The following DDX31 variants were observed in gnomAD, a reference collection of about 807,000 sequenced individuals.
DDX31 encodes ATP-dependent DNA helicase DDX31.
In DDX31, 70 loss-of-function variants were observed where a neutral mutation model predicts 91.3. The observed-to-expected ratio is 0.77, with a 90% CI of 0.63 to 0.94. DDX31 has a LOEUF of 0.94. DDX31 is among the 40% of genes least tolerant of loss of function. DDX31 has a pLI of 0.00. For missense variants in DDX31, 902 were observed against 925.0 expected (o/e 0.98, Z 0.32); for synonymous variants, 362 against 350.6 (o/e 1.03, Z -0.36).
At chr9:132,644,801 G>T (rs1025109746) in intron 13 of DDX31, among the ~76,000 whole-genome samples, 1 of 152,178 alleles carries the variant, frequency 6.6e-6, no homozygotes, top group Non-Finnish European at 1.5e-5. Context: ...CAACAACTTT[G>T]ATTGAATCAG....
chr9:132,623,466 C>A (rs1373785706), intron 17 of DDX31, among the ~76,000 whole-genome samples: 1 of 143,406 alleles, frequency 7.0e-6, no homozygotes, highest in African/African-American at 2.6e-5. Flanking sequence ...TGAGGCAGAA[C>A]TGCTTGAACC....
chr9:132,626,382 G>A (rs1364004924), intron 16 of DDX31, among the ~76,000 whole-genome samples: 1 of 152,204 alleles, frequency 6.6e-6, no homozygotes, highest in Non-Finnish European at 1.5e-5. Flanking sequence ...CTCAGGAACA[G>A]AAGCCACAAG....
chr9:132,651,608 G>A (rs1046114305), intron 7 of DDX31, among the ~76,000 whole-genome samples: 4 of 152,104 alleles, frequency 2.6e-5, no homozygotes, highest in South Asian at 4.2e-4. Context: ...GGAGATGGTC[G>A]CTCCTCAAGT....
At chr9:132,623,719 G>C (rs923379550) in intron 17 of DDX31, among the ~76,000 whole-genome samples, 1 of 151,694 alleles carries the variant, frequency 6.6e-6, no homozygotes, top group Non-Finnish European at 1.5e-5. Flanking sequence ...CCTGCCCAAG[G>C]TCACACACTG....
At position 132,662,279 on chromosome 9, in the gene DDX31, C is replaced by A. The variant is rs200573806; in HGVS notation, c.390G>T (p.Leu130=). ...KVFTSAAFHE[L]GLHPHLISTI... ...TACTTACTAAATGTGGGTGGAGGCC[C>A]AGCTCATGAAAAGCAGCTGAAGTAA... Residue 130 remains leucine (L), a synonymous_variant, in exon 3 of 20, where the codon CTG becomes CTT. Transcript: ENST00000372159. 1.7e-5 allele frequency: 27 copies of A among 1,614,180 alleles called. No homozygotes were observed. Among genetic ancestry groups the A allele is most frequent in the Admixed American group, 3.3e-5 (2 of 60,022 alleles).
At chr9:132,664,976 C>T (rs1835217703) in intron 1 of DDX31, among the ~76,000 whole-genome samples, 1 of 152,186 alleles carries the variant, frequency 6.6e-6, no homozygotes, top group Non-Finnish European at 1.5e-5. Flanking sequence ...CCTTTCCTGA[C>T]CTCTCTTCAC....
chr9:132,632,582 C>T (rs553244470), intron 14 of DDX31, among the ~76,000 whole-genome samples: 1 of 152,120 alleles, frequency 6.6e-6, no homozygotes, highest in Non-Finnish European at 1.5e-5. Flanking sequence ...CAACCATGAG[C>T]AACGCCTAAC....
chr9:132,646,067 T>C lies in DDX31; in HGVS notation c.1208A>G (p.Glu403Gly). The change falls in exon 13 of 20, where the codon GAG (glutamate) becomes GGG (glycine). Residue 403 changes from glutamate (E) to glycine (G), a missense_variant. Coordinates refer to ENST00000372159, the MANE Select transcript of DDX31 (RefSeq NM_022779.9). ...AAAGACAACCATCTTCTGGTCTTCCTCAAACTACATCGATACAAAGGGAGG... is the reference window on the plus strand; with the variant it reads ...AAAGACAACCATCTTCTGGTCTTCCCCAAACTACATCGATACAAAGGGAGG... ...AAFILQKCKF[E>G]EDQKMVVFFS... 2 of 1,613,298 alleles carry C rather than the reference T, an allele frequency of 1.2e-6. No homozygotes were observed. The highest frequency in any genetic ancestry group is 1.7e-6 in the Non-Finnish European group (2 of 1,179,664).
Position 132,594,756 on chromosome 9 carries a change from T to C in DDX31, c.*110A>G. On this transcript the variant is annotated 3_prime_UTR_variant, in exon 20 of 20. Transcript: ENST00000372159. ...GCCCCTCTGATTCTTGGGGACGTGGTATTCAGGCAAAGGCGCAGTTATTTT... is the reference window on the plus strand; with the variant it reads ...GCCCCTCTGATTCTTGGGGACGTGGCATTCAGGCAAAGGCGCAGTTATTTT... The C allele has an allele frequency of 2.7e-6, 4 of 1,503,388 alleles. No individual in the cohort carries two copies. Among genetic ancestry groups the C allele is most frequent in the South Asian group, 1.3e-5 (1 of 74,996 alleles). 93.1% of individuals were successfully genotyped at this position (1,503,388 alleles called of 1,614,324 possible).
At chr9:132,652,593 C>T in intron 6 of DDX31, 101 bp from the exon 7 acceptor site, 6 of 1,438,648 alleles carry the variant, frequency 4.2e-6, no homozygotes, top group Non-Finnish European at 5.8e-6. Context: ...ATCAGAAGCA[C>T]TCTTAATGAA....
chr9:132,660,654 A>C (rs1481739546), intron 4 of DDX31, among the ~76,000 whole-genome samples: 3 of 152,192 alleles, frequency 2.0e-5, no homozygotes, highest in Non-Finnish European at 4.4e-5. Flanking sequence ...CTTAATTTGG[A>C]CTTTAATATT....
intron 17 of DDX31, among the ~76,000 whole-genome samples, chr9:132,620,115 A>C (rs964638840): frequency 2.0e-5 from 3 of 152,024 alleles, no homozygotes; most frequent in Non-Finnish European, 4.4e-5. Flanking sequence ...GTGTTAAATA[A>C]ACAGAGCTCC....
At chr9:132,615,176 C>T (rs1040330568) in intron 18 of DDX31, among the ~76,000 whole-genome samples, 1 of 152,142 alleles carries the variant, frequency 6.6e-6, no homozygotes, top group African/African-American at 2.4e-5. Flanking sequence ...ACTTAAGGTG[C>T]CTGAATTAGG....
chr9:132,666,139 C>T (rs563196848), intron 1 of DDX31, among the ~76,000 whole-genome samples: 1 of 152,304 alleles, frequency 6.6e-6, no homozygotes, highest in African/African-American at 2.4e-5. Flanking sequence ...AACCACACAA[C>T]CAATTGTTCC....
intron 12 of DDX31, 39 bp from the exon 13 acceptor site, chr9:132,646,110 A>G (rs894974188): frequency 1.9e-6 from 3 of 1,596,930 alleles, no homozygotes; most frequent in African/African-American, 2.7e-5. Context: ...GACATATTTT[A>G]AGATTAGGTG....
chr9:132,651,251 AATCTAAT>A, intron 7 of DDX31, 135 bp from the exon 8 acceptor site: 1 of 702,480 alleles, frequency 1.4e-6, no homozygotes, highest in Non-Finnish European at 2.4e-6. Flanking sequence ...CTATACACAG[AATCTAAT>A]ATACCTTGTT....
chr9:132,623,674 T>C (rs990377193), intron 17 of DDX31, among the ~76,000 whole-genome samples: 1 of 149,710 alleles, frequency 6.7e-6, no homozygotes, highest in African/African-American at 2.5e-5. Flanking sequence ...ACACTGCCTC[T>C]CCGAAAAGAA....
Position 132,630,309 on chromosome 9 carries a change from G to A in DDX31, c.1586C>T (p.Pro529Leu), listed in dbSNP as rs765425773. 6.3e-7 allele frequency: 1 copy of A among 1,596,080 alleles called. No homozygotes were observed. The highest frequency in any genetic ancestry group is 2.3e-5 in the East Asian group (1 of 44,366). ...CHGSSLLILA[P>L]SEAEYVNSLA... is the part of the protein sequence containing the mutation. ...CGAGTTGACATATTCTGCCTCCGAAGGAGCCAAAATGAGCAGGCTGCTCCC... is the reference window on the plus strand; with the variant it reads ...CGAGTTGACATATTCTGCCTCCGAAAGAGCCAAAATGAGCAGGCTGCTCCC... Residue 529 changes from proline (P) to leucine (L), a missense_variant, in exon 16 of 20, where the codon CCT (proline) becomes CTT (leucine). Pro to Leu is a moderately conservative substitution (Grantham distance 98). Coordinates refer to ENST00000372159, the MANE Select transcript of DDX31 (RefSeq NM_022779.9).
intron 1 of DDX31, among the ~76,000 whole-genome samples, chr9:132,662,989 T>C (rs1186753674): frequency 6.6e-6 from 1 of 152,228 alleles, no homozygotes; most frequent in Non-Finnish European, 1.5e-5. Context: ...AGCAGCATTT[T>C]TCCAGTTGAA....
Sources: gnomAD v4.1 joint callset for allele counts (sites outside exome capture counted in the v4.1 genomes callset) on GRCh38, gnomAD v4.1.1 for gene constraint, MANE v1.5 for transcripts, NCBI Gene and HGNC (gene_info 2026-07-23, HGNC 2026-07-21) for gene names.